LRMDA: variants seen among roughly 807,000 people sequenced by gnomAD.
LRMDA encodes leucine rich melanocyte differentiation associated.
A neutral mutation model predicts 29.8 loss-of-function variants in LRMDA; 18 were observed. That is an observed-to-expected ratio of 0.60 (90% confidence interval 0.42 to 0.90). LRMDA has a LOEUF of 0.90. Among genes scored for constraint, LRMDA ranks in the 40% least tolerant of loss-of-function variants. The pLI is 0.00. For synonymous variants in LRMDA, 125 were observed against 109.4 expected (o/e 1.14, Z -0.89); for missense variants, 273 against 273.9 (o/e 1.00, Z 0.02).
chr10:76,236,309 A>G (rs1852151084), intron 5 of LRMDA, among the ~76,000 whole-genome samples: 1 of 152,210 alleles, frequency 6.6e-6, no homozygotes, highest in African/African-American at 2.4e-5. Context: ...GACTATTTGC[A>G]TCCCCATTGT....
chr10:76,254,281 T>TTACTATACTATACTA (rs756599704), intron 5 of LRMDA, among the ~76,000 whole-genome samples: 114 of 116,068 alleles, frequency 9.8e-4, no homozygotes, highest in African/African-American at 3.6e-3. Flanking sequence ...TCTGTGGAAA[T>TTACTATACTATACTA]TACTATACTA....
intron 2 of LRMDA, among the ~76,000 whole-genome samples, chr10:75,864,027 T>C (rs1844978812): frequency 6.6e-6 from 1 of 152,188 alleles, no homozygotes; most frequent in African/African-American, 2.4e-5. Context: ...AGTAGTGATG[T>C]GAACAGTGAA....
At chr10:75,484,750 G>T (rs2132055952) in intron 2 of LRMDA, among the ~76,000 whole-genome samples, 1 of 152,326 alleles carries the variant, frequency 6.6e-6, no homozygotes, top group Non-Finnish European at 1.5e-5. Flanking sequence ...GCACAGAGAA[G>T]AGGCTGTGTG....
chr10:75,913,225 A>T (rs1845869121), intron 2 of LRMDA, among the ~76,000 whole-genome samples: 2 of 152,172 alleles, frequency 1.3e-5, no homozygotes, highest in Non-Finnish European at 2.9e-5. Context: ...TTGGGAGGCC[A>T]AGGCTGGTGG....
At chr10:76,254,113 C>G (rs1365478260) in intron 5 of LRMDA, among the ~76,000 whole-genome samples, 3 of 152,040 alleles carry the variant, frequency 2.0e-5, no homozygotes, top group Non-Finnish European at 2.9e-5. Flanking sequence ...AGAATATGCC[C>G]CATACAGTTA....
intron 2 of LRMDA, among the ~76,000 whole-genome samples, chr10:75,513,203 A>G (rs1845246758): frequency 6.6e-6 from 1 of 151,678 alleles, no homozygotes; most frequent in East Asian, 1.9e-4. Context: ...TTTTTCCCCC[A>G]CTCCGGTGTA....
At chr10:76,338,536 C>A (rs1272975238) in intron 6 of LRMDA, among the ~76,000 whole-genome samples, 1 of 152,004 alleles carries the variant, frequency 6.6e-6, no homozygotes, top group Non-Finnish European at 1.5e-5. Flanking sequence ...ATACTTCTCT[C>A]CATCCTTAGT....
chr10:75,703,054 C>T (rs1842327215), intron 2 of LRMDA, among the ~76,000 whole-genome samples: 1 of 152,220 alleles, frequency 6.6e-6, no homozygotes, highest in Admixed American at 6.5e-5. Context: ...CACATCATTA[C>T]ACTTTCATGA....
chr10:75,763,858 G>A (rs926377836), intron 2 of LRMDA, among the ~76,000 whole-genome samples: 2 of 152,122 alleles, frequency 1.3e-5, no homozygotes, highest in Non-Finnish European at 2.9e-5. Context: ...ACCTTGGATG[G>A]GTCAGGGGCT....
intron 2 of LRMDA, among the ~76,000 whole-genome samples, chr10:75,675,754 T>G (rs1490901721): frequency 1.3e-5 from 2 of 152,202 alleles, no homozygotes; most frequent in Non-Finnish European, 2.9e-5. Context: ...CAGTTGATTT[T>G]TACAGTTGGT....
chr10:75,646,378 A>T (rs1841521427), intron 2 of LRMDA, among the ~76,000 whole-genome samples: 1 of 152,178 alleles, frequency 6.6e-6, no homozygotes, highest in Admixed American at 6.5e-5. Context: ...CCCTTGCCAG[A>T]ATCTACAAAA....
intron 5 of LRMDA, among the ~76,000 whole-genome samples, chr10:76,262,361 C>T (rs1839955436): frequency 6.6e-6 from 1 of 152,182 alleles, no homozygotes; most frequent in Non-Finnish European, 1.5e-5. Flanking sequence ...CACTCATGTA[C>T]GCGCTTCTCA....
At chr10:75,800,147 C>T (rs948930383) in intron 2 of LRMDA, among the ~76,000 whole-genome samples, 6 of 152,040 alleles carry the variant, frequency 3.9e-5, no homozygotes, top group African/African-American at 1.4e-4. Flanking sequence ...TTTGTGTCAT[C>T]TGTTTTCAAA....
chr10:76,084,214 T>C (rs913025284), intron 5 of LRMDA, among the ~76,000 whole-genome samples: 1 of 152,086 alleles, frequency 6.6e-6, no homozygotes, highest in African/African-American at 2.4e-5. Context: ...ATTTATTTAT[T>C]TGAGACGGAG....
chr10:76,376,020 T>G (rs548731299), intron 6 of LRMDA, among the ~76,000 whole-genome samples: 30 of 152,004 alleles, frequency 2.0e-4, no homozygotes, highest in Admixed American at 9.2e-4. Context: ...TTAATAGACA[T>G]GAGGGTACAA....
intron 6 of LRMDA, among the ~76,000 whole-genome samples, chr10:76,448,554 A>G (rs1842375438): frequency 6.6e-6 from 1 of 152,100 alleles, no homozygotes; most frequent in Admixed American, 6.6e-5. Flanking sequence ...GGATAGATGA[A>G]AAGTGCCGTC....
At chr10:76,344,538 C>T (rs186724639) in intron 6 of LRMDA, among the ~76,000 whole-genome samples, 2 of 151,968 alleles carry the variant, frequency 1.3e-5, no homozygotes, top group East Asian at 1.9e-4. Flanking sequence ...ACTAGAAAAA[C>T]TGAATCTAAA....
At chr10:75,821,212 A>G (rs1046023208) in intron 2 of LRMDA, among the ~76,000 whole-genome samples, 3 of 152,190 alleles carry the variant, frequency 2.0e-5, no homozygotes, top group Admixed American at 1.3e-4. Context: ...ATACAACAAA[A>G]AGAGAAAACT....
chr10:75,478,142 C>G (rs1164044543), intron 2 of LRMDA, among the ~76,000 whole-genome samples: 1 of 152,206 alleles, frequency 6.6e-6, no homozygotes, highest in Non-Finnish European at 1.5e-5. Flanking sequence ...AGCTGATCAC[C>G]AGCTCCAAGC....
Sources: gnomAD v4.1 joint callset for allele counts (sites outside exome capture counted in the v4.1 genomes callset) on GRCh38, gnomAD v4.1.1 for gene constraint, MANE v1.5 for transcripts, NCBI Gene and HGNC (gene_info 2026-07-23, HGNC 2026-07-21) for gene names.